BCHE: variants seen among roughly 807,000 people sequenced by gnomAD.
BCHE encodes the protein butyrylcholinesterase, also known as cholinesterase.
In BCHE, 48 loss-of-function variants were observed where a neutral mutation model predicts 51.3. The observed-to-expected ratio is 0.94, with a 90% CI of 0.74 to 1.19. The LOEUF (loss-of-function observed/expected upper bound fraction) is 1.19, where lower values mean the gene tolerates loss of function less well. Among genes scored for constraint, BCHE ranks in the 50% most tolerant of loss-of-function variants. The pLI, the probability that BCHE is intolerant of heterozygous loss-of-function variation, is 0.00. For synonymous variants in BCHE, 251 were observed against 238.0 expected, an observed-to-expected ratio of 1.05 and a Z score of -0.50; for missense variants, 847 against 708.2, an observed-to-expected ratio of 1.20 and a Z score of -2.23.
intron 2 of BCHE, among the ~76,000 whole-genome samples, chr3:165,792,531 T>C (rs963206474): frequency 6.6e-6 from 1 of 152,094 alleles, no homozygotes; most frequent in East Asian, 1.9e-4. Flanking sequence ...AGTAAAATAA[T>C]TGGGAGAAAA....
At position 165,830,850 on chromosome 3, in the gene BCHE, C is replaced by T. The variant is rs1714945726; in HGVS notation, c.184G>A (p.Ala62Thr). The T allele has an allele frequency of 6.2e-7, 1 of 1,613,782 alleles. No homozygotes were observed. Among genetic ancestry groups the T allele is most frequent in the Non-Finnish European group, 8.5e-7 (1 of 1,179,926 alleles). Reference protein sequence around the residue: ...TVTAFLGIPYAQPPLGRLRFK... With the variant: ...TVTAFLGIPYTQPPLGRLRFK... ...CGAAGTCTACCAAGAGGTGGCTGTG[C>T]ATAGGGAATTCCAAGAAAGGCTGTT... The change falls in exon 2 of 4, where the codon GCA (alanine) becomes ACA (threonine). Residue 62 changes from alanine to threonine, a missense_variant. By Grantham distance (58) the Ala-to-Thr change is moderately conservative. Transcript: ENST00000264381.
At chr3:165,797,964 A>C (rs1321101013) in intron 2 of BCHE, among the ~76,000 whole-genome samples, 1 of 152,194 alleles carries the variant, frequency 6.6e-6, no homozygotes, top group Non-Finnish European at 1.5e-5. Context: ...TCAGCATATC[A>C]AATAATTGTT....
chr3:165,780,108 T>A (rs1357044337), intron 3 of BCHE, among the ~76,000 whole-genome samples: 1 of 152,020 alleles, frequency 6.6e-6, no homozygotes, highest in Non-Finnish European at 1.5e-5. Context: ...AATAACATCA[T>A]ACATCGACAA....
Position 165,830,393 on chromosome 3 carries a change from CCAAAGG to C in BCHE, c.635_640del (p.Ala212_Phe213del). The stretch of plus-strand genomic sequence containing the variant: ...GAGAGTTACACTTTTAGGATTTCCA[CCAAAGG>C]CTGCTATATTTTTTTGAACCCACTG... On this transcript the variant is annotated inframe_deletion, in exon 2 of 4. Coordinates refer to ENST00000264381, the MANE Select transcript of BCHE (RefSeq NM_000055.4). The C allele has an allele frequency of 1.9e-6, 3 of 1,613,962 alleles. No individual in the cohort carries two copies. Among genetic ancestry groups the C allele is most frequent in the Non-Finnish European group, 2.5e-6 (3 of 1,179,910 alleles).
At chr3:165,835,461 A>G (rs921975290) in intron 1 of BCHE, among the ~76,000 whole-genome samples, 1 of 151,874 alleles carries the variant, frequency 6.6e-6, no homozygotes, top group Non-Finnish European at 1.5e-5. Context: ...AATTAAATAA[A>G]TATTTATTTC....
In BCHE at chr3:165,837,338, A is replaced by G; in HGVS notation, c.-33T>C. 7.8e-7 allele frequency: 1 copy of G among 1,289,750 alleles called. No homozygotes were observed. The highest frequency in any genetic ancestry group is 1.5e-5 in the African/African-American group (1 of 65,982). 79.9% of individuals were successfully genotyped at this position (1,289,750 alleles called of 1,614,324 possible). A position where few individuals can be genotyped will look rare whatever the true frequency, so the allele number is the denominator to read the frequency against. On this transcript the variant is annotated 5_prime_UTR_variant, in exon 1 of 4. Coordinates refer to ENST00000264381, the MANE Select transcript of BCHE (RefSeq NM_000055.4). Reference sequence around the variant, plus strand: ...CCCGATTCTCTGCAACAAAGATGGCAAAGTTTGCAAGGAGTGAAAATCATG... The same window carrying G: ...CCCGATTCTCTGCAACAAAGATGGCGAAGTTTGCAAGGAGTGAAAATCATG...
At chr3:165,802,410 G>T (rs144614703) in intron 2 of BCHE, among the ~76,000 whole-genome samples, 52 of 152,246 alleles carry the variant, frequency 3.4e-4, no homozygotes, top group African/African-American at 1.3e-3. Context: ...TATTTTGAAA[G>T]GATTGCTCCA....
chr3:165,794,981 C>G (rs900730878), intron 2 of BCHE, among the ~76,000 whole-genome samples: 1 of 151,972 alleles, frequency 6.6e-6, no homozygotes, highest in Non-Finnish European at 1.5e-5. Flanking sequence ...CAGTGCCTAT[C>G]ATAAACCTAG....
intron 3 of BCHE, among the ~76,000 whole-genome samples, chr3:165,776,751 A>G (rs1006837738): frequency 3.3e-5 from 5 of 151,722 alleles, no homozygotes; most frequent in African/African-American, 1.2e-4. Context: ...TTATGGTTTT[A>G]ATTATATTTT....
chr3:165,798,840 A>G (rs1020124720), intron 2 of BCHE, among the ~76,000 whole-genome samples: 2 of 152,060 alleles, frequency 1.3e-5, no homozygotes, highest in Admixed American at 1.3e-4. Context: ...AAAAGAAGTA[A>G]GCAGTCTTCT....
At chr3:165,783,185 T>C (rs539158491) in intron 3 of BCHE, among the ~76,000 whole-genome samples, 1 of 152,264 alleles carries the variant, frequency 6.6e-6, no homozygotes, top group African/African-American at 2.4e-5. Context: ...TTTTCTGTTT[T>C]TGATCAGTTA....
At chr3:165,796,677 A>C (rs960921678) in intron 2 of BCHE, among the ~76,000 whole-genome samples, 6 of 152,192 alleles carry the variant, frequency 3.9e-5, no homozygotes, top group Non-Finnish European at 7.4e-5. Context: ...TTTATATATT[A>C]TGTGAACATT....
chr3:165,791,308 G>C (rs918164589), intron 2 of BCHE, among the ~76,000 whole-genome samples: 1 of 151,638 alleles, frequency 6.6e-6, no homozygotes, highest in Non-Finnish European at 1.5e-5. Context: ...GGGCGGGCGG[G>C]AAGGAAAGAA....
chr3:165,799,802 C>A (rs12186091), intron 2 of BCHE, among the ~76,000 whole-genome samples: 14,658 of 151,880 alleles, frequency 0.097, 769 homozygotes, highest in Admixed American at 0.14. Context: ...TTGGTGAAAA[C>A]CTTTAACCAA....
chr3:165,781,895 TA>T (rs1038321440), intron 3 of BCHE, among the ~76,000 whole-genome samples: 7 of 152,140 alleles, frequency 4.6e-5, no homozygotes, highest in Non-Finnish European at 1.0e-4. Context: ...AATAATTGCC[TA>T]ATGGATGAAT....
At chr3:165,835,529 T>C (rs1422080561) in intron 1 of BCHE, among the ~76,000 whole-genome samples, 5 of 151,816 alleles carry the variant, frequency 3.3e-5, no homozygotes, top group Admixed American at 6.6e-5. Flanking sequence ...ATAATATTAA[T>C]ATGATCTAGA....
intron 2 of BCHE, among the ~76,000 whole-genome samples, chr3:165,788,177 A>G (rs541494776): frequency 1.3e-5 from 2 of 152,148 alleles, no homozygotes; most frequent in South Asian, 4.1e-4. Flanking sequence ...ATTTGGAAGA[A>G]GTAAACATTC....
At chr3:165,827,807 C>T (rs1013519909) in intron 2 of BCHE, among the ~76,000 whole-genome samples, 3 of 151,964 alleles carry the variant, frequency 2.0e-5, no homozygotes, top group African/African-American at 4.8e-5. Flanking sequence ...ATAAGCTGAT[C>T]GTTCTTTCCT....
intron 2 of BCHE, among the ~76,000 whole-genome samples, chr3:165,797,340 C>T (rs73028203): frequency 0.043 from 4,336 of 100,820 alleles, 195 homozygotes; most frequent in East Asian, 0.069. Flanking sequence ...TCCCTCCCTC[C>T]CTCCAGTCTC....
Sources: gnomAD v4.1 joint callset for allele counts (sites outside exome capture counted in the v4.1 genomes callset) on GRCh38, gnomAD v4.1.1 for gene constraint, MANE v1.5 for transcripts, NCBI Gene and HGNC (gene_info 2026-07-23, HGNC 2026-07-21) for gene names.